The following ADAMTSL1 variants were observed in gnomAD, a reference collection of about 807,000 sequenced individuals.
ADAMTSL1 encodes the protein ADAMTS like 1.
In ADAMTSL1, 126 loss-of-function variants were observed where a neutral mutation model predicts 201.8. The observed-to-expected ratio is 0.62, with a 90% CI of 0.54 to 0.72. ADAMTSL1 has a LOEUF of 0.72. Ranked by LOEUF, ADAMTSL1 falls within the 30% of genes least tolerant of loss-of-function variation. ADAMTSL1 has a pLI of 0.00. For missense variants in ADAMTSL1, 2,679 were observed against 2,277.8 expected, an observed-to-expected ratio of 1.18 and a Z score of -3.59; for synonymous variants, 1,121 against 903.4, an observed-to-expected ratio of 1.24 and a Z score of -4.32.
intron 2 of ADAMTSL1, among the ~76,000 whole-genome samples, chr9:18,323,368 G>T (rs186522521): frequency 3.9e-5 from 6 of 152,266 alleles, no homozygotes; most frequent in African/African-American, 1.4e-4. Flanking sequence ...TGGCAAATTA[G>T]AAAGAGAAGG....
chr9:18,818,329 G>A (rs1315257584), intron 21 of ADAMTSL1, among the ~76,000 whole-genome samples: 2 of 152,002 alleles, frequency 1.3e-5, no homozygotes, highest in Non-Finnish European at 2.9e-5. Context: ...TGCTTTGGTG[G>A]TTGCTTCATC....
At chr9:18,056,817 C>A (rs1043101899) in intron 1 of ADAMTSL1, among the ~76,000 whole-genome samples, 6 of 152,166 alleles carry the variant, frequency 3.9e-5, no homozygotes, top group Non-Finnish European at 8.8e-5. Flanking sequence ...TTCTGCCCAA[C>A]TTCTCTCCCT....
At chr9:18,073,587 AGT>A (rs1823059717) in intron 1 of ADAMTSL1, among the ~76,000 whole-genome samples, 1 of 152,210 alleles carries the variant, frequency 6.6e-6, no homozygotes, top group Admixed American at 6.5e-5. Flanking sequence ...ATCAGGACAC[AGT>A]GTTTCTTAGT....
chr9:17,983,970 G>C (rs1010090658), intron 1 of ADAMTSL1, among the ~76,000 whole-genome samples: 1 of 152,108 alleles, frequency 6.6e-6, no homozygotes, highest in East Asian at 1.9e-4. Flanking sequence ...AATAGATAAT[G>C]AGATTAATAA....
At chr9:18,870,965 C>G (rs1202150175) in intron 23 of ADAMTSL1, among the ~76,000 whole-genome samples, 1 of 152,116 alleles carries the variant, frequency 6.6e-6, no homozygotes, top group African/African-American at 2.4e-5. Flanking sequence ...CATTGTTACT[C>G]AACCTCTTTT....
intron 2 of ADAMTSL1, among the ~76,000 whole-genome samples, chr9:18,409,239 C>T (rs919080123): frequency 6.6e-6 from 1 of 151,436 alleles, no homozygotes; most frequent in Non-Finnish European, 1.5e-5. Context: ...CAAAATTAGC[C>T]AGGCATGGTG....
intron 2 of ADAMTSL1, among the ~76,000 whole-genome samples, chr9:18,306,942 G>C (rs1041331998): frequency 3.3e-5 from 5 of 152,176 alleles, no homozygotes; most frequent in African/African-American, 9.6e-5. Flanking sequence ...GGCAGGAAGA[G>C]AGAAAGGTTG....
At chr9:18,302,390 T>C (rs1833740294) in intron 2 of ADAMTSL1, among the ~76,000 whole-genome samples, 2 of 152,206 alleles carry the variant, frequency 1.3e-5, no homozygotes, top group Non-Finnish European at 2.9e-5. Context: ...ATACCTTCAG[T>C]ATGCTGGGGC....
chr9:18,672,583 G>T (rs1233080017), intron 9 of ADAMTSL1, among the ~76,000 whole-genome samples: 1 of 152,048 alleles, frequency 6.6e-6, no homozygotes, highest in Non-Finnish European at 1.5e-5. Flanking sequence ...AAAATGCATA[G>T]ATATGTACAC....
chr9:17,933,964 C>G (rs1408422320), intron 1 of ADAMTSL1, among the ~76,000 whole-genome samples: 1 of 152,180 alleles, frequency 6.6e-6, no homozygotes. Flanking sequence ...GTTCAAATCA[C>G]TTCTGTTTTA....
intron 23 of ADAMTSL1, among the ~76,000 whole-genome samples, chr9:18,884,255 T>TGCC (rs1252440322): frequency 1.3e-5 from 2 of 152,202 alleles, no homozygotes; most frequent in African/African-American, 4.8e-5. Flanking sequence ...TTTGGGCATT[T>TGCC]GCCTGAACCG....
At chr9:18,488,265 C>G (rs1228686061) in intron 1 of ADAMTSL1, among the ~76,000 whole-genome samples, 1 of 152,176 alleles carries the variant, frequency 6.6e-6, no homozygotes, top group Non-Finnish European at 1.5e-5. Flanking sequence ...GATCAAAACC[C>G]TCTGCCCAGG....
chr9:18,053,808 G>A (rs889541523), intron 1 of ADAMTSL1, among the ~76,000 whole-genome samples: 1 of 152,184 alleles, frequency 6.6e-6, no homozygotes, highest in Non-Finnish European at 1.5e-5. Flanking sequence ...TAAAACACAA[G>A]CAAGACCCTG....
At chr9:18,710,491 T>C (rs948065919) in intron 14 of ADAMTSL1, among the ~76,000 whole-genome samples, 6 of 152,170 alleles carry the variant, frequency 3.9e-5, no homozygotes, top group Non-Finnish European at 8.8e-5. Context: ...GACTGCTTCT[T>C]AGTCTCAGCA....
At chr9:18,409,537 C>G (rs184032271) in intron 2 of ADAMTSL1, among the ~76,000 whole-genome samples, 6 of 151,576 alleles carry the variant, frequency 4.0e-5, no homozygotes, top group Admixed American at 1.3e-4. Context: ...AAAAATTAAG[C>G]TGTAGATTAA....
At chr9:18,716,300 A>G (rs10963735) in intron 14 of ADAMTSL1, among the ~76,000 whole-genome samples, 40,975 of 151,484 alleles carry the variant, frequency 0.27, 5,936 homozygotes, top group Middle Eastern at 0.33. Context: ...GTGAACAGGC[A>G]ACCTACAAAA....
intron 1 of ADAMTSL1, among the ~76,000 whole-genome samples, chr9:18,128,154 C>G (rs1825814092): frequency 6.6e-6 from 1 of 152,140 alleles, no homozygotes; most frequent in Non-Finnish European, 1.5e-5. Flanking sequence ...GGTATGCAAA[C>G]TCTCAAATGC....
In ADAMTSL1 at chr9:18,826,263, G is replaced by GT. The variant is rs35525189; in HGVS notation, c.3935-9dup. 3.7e-3 allele frequency: 5,004 copies of GT among 1,335,066 alleles called. 1 individual carries two copies. Among genetic ancestry groups the GT allele is most frequent in the Admixed American group, 9.2e-3 (446 of 48,376 alleles). 82.7% of individuals were successfully genotyped at this position (1,335,066 alleles called of 1,614,324 possible). ...GTTTGACTGATGAGTGGGGTTTTTTGTTTTTTTTTTTTCTTCCTAGGAGTG... is the reference window on the plus strand; with the variant it reads ...GTTTGACTGATGAGTGGGGTTTTTTGTTTTTTTTTTTTTCTTCCTAGGAGTG... On this transcript the variant is annotated intron_variant, in intron 21 of 28. Coordinates refer to ENST00000380548, the MANE Select transcript of ADAMTSL1 (RefSeq NM_001040272.6).
At chr9:18,681,704 G>GGA in intron 11 of ADAMTSL1, 108 bp from the exon 12 acceptor site, 2 of 716,348 alleles carry the variant, frequency 2.8e-6, no homozygotes, top group Non-Finnish European at 4.0e-6. Flanking sequence ...GTGTGGGGGG[G>GGA]GGGGGCGGGG....
Sources: allele counts gnomAD v4.1 joint callset (sites outside exome capture counted in the v4.1 genomes callset), GRCh38; gene constraint gnomAD v4.1.1; transcripts MANE v1.5; gene names NCBI Gene and HGNC (gene_info 2026-07-23, HGNC 2026-07-21).